LZTFL1: variants seen among roughly 807,000 people sequenced by gnomAD.
The protein encoded by LZTFL1 is leucine zipper transcription factor like 1.
Under a neutral mutation model 45.9 loss-of-function variants are expected in LZTFL1, and 25 were observed. The observed-to-expected ratio is 0.54, with a 90% CI of 0.40 to 0.76. The LOEUF is 0.76. Ranked by LOEUF, LZTFL1 falls within the 30% of genes least tolerant of loss-of-function variation. The probability of loss-of-function intolerance (pLI) is 0.00; values close to 1 mark genes in which losing one functional copy is unlikely to be tolerated. For synonymous variants in LZTFL1, 93 were observed against 117.4 expected (o/e 0.79, Z 1.35); for missense variants, 277 against 331.1 (o/e 0.84, Z 1.27).
intron 4 of LZTFL1, among the ~76,000 whole-genome samples, chr3:45,850,986 C>T (rs1701298259): frequency 6.6e-6 from 1 of 152,206 alleles, no homozygotes; most frequent in African/African-American, 2.4e-5. Flanking sequence ...TGATACATGA[C>T]CCACATAGCA....
chr3:45,875,973 T>C (rs1326591442), intron 2 of LZTFL1, among the ~76,000 whole-genome samples: 1 of 152,262 alleles, frequency 6.6e-6, no homozygotes, highest in Non-Finnish European at 1.5e-5. Context: ...CAGCTACCAC[T>C]ACTGTGTGAT....
intron 2 of LZTFL1, chr3:45,913,018 T>G: frequency 8.4e-7 from 1 of 1,190,080 alleles, no homozygotes. Context: ...TCAGATAATC[T>G]AAATTCAAGT....
intron 4 of LZTFL1, chr3:45,854,968 A>G (rs1473183616): frequency 1.3e-6 from 2 of 1,499,944 alleles, no homozygotes; most frequent in African/African-American, 2.8e-5. Context: ...AATATGTCAG[A>G]TGCGCTTGTC....
At chr3:45,861,165 C>A (rs1291894831) in intron 2 of LZTFL1, among the ~76,000 whole-genome samples, 1 of 150,542 alleles carries the variant, frequency 6.6e-6, no homozygotes, top group Non-Finnish European at 1.5e-5. Context: ...ACAGAGACTG[C>A]CTGTGCGTAT....
chr3:45,836,769 G>T (rs1700977728), intron 2 of LZTFL1, among the ~76,000 whole-genome samples: 1 of 152,212 alleles, frequency 6.6e-6, no homozygotes, highest in Non-Finnish European at 1.5e-5. Flanking sequence ...ACACAGGTTT[G>T]AAGAGTGGAG....
chr3:45,911,803 A>G (rs906962752), intron 2 of LZTFL1, among the ~76,000 whole-genome samples: 3 of 152,250 alleles, frequency 2.0e-5, no homozygotes, highest in African/African-American at 7.2e-5. Context: ...CAACTGTGTA[A>G]TGACTCCAGC....
chr3:45,863,893 AT>A (rs1305760153), intron 2 of LZTFL1, among the ~76,000 whole-genome samples: 1 of 152,232 alleles, frequency 6.6e-6, no homozygotes, highest in African/African-American at 2.4e-5. Context: ...TCAGGGAAAC[AT>A]TTGGTGAATT....
chr3:45,885,365 G>A (rs920959195), intron 2 of LZTFL1, among the ~76,000 whole-genome samples: 1 of 152,206 alleles, frequency 6.6e-6, no homozygotes, highest in Non-Finnish European at 1.5e-5. Flanking sequence ...TGGATGGGAA[G>A]ACTTCGTCTG....
chr3:45,906,289 C>T (rs994605346), intron 2 of LZTFL1, among the ~76,000 whole-genome samples: 4 of 152,132 alleles, frequency 2.6e-5, no homozygotes, highest in African/African-American at 4.8e-5. Context: ...GCCAGGGGCC[C>T]CATGGTGTAT....
intron 3 of LZTFL1, among the ~76,000 whole-genome samples, chr3:45,855,369 A>T (rs767005685): frequency 1.1e-4 from 17 of 152,216 alleles, no homozygotes; most frequent in Non-Finnish European, 1.9e-4. Flanking sequence ...ACATCTCTTC[A>T]TGTTAAAAAC....
intron 2 of LZTFL1, among the ~76,000 whole-genome samples, chr3:45,868,752 C>T (rs1316471034): frequency 6.6e-6 from 1 of 152,126 alleles, no homozygotes; most frequent in Non-Finnish European, 1.5e-5. Context: ...CAACATATTA[C>T]AGTTTCCAAG....
rs1231418303 is a variant in LZTFL1 at position 45,829,508 on chromosome 3, G to A, written c.601-893C>T. On this transcript the variant is annotated intron_variant, in intron 7 of 9. Coordinates refer to ENST00000296135, the MANE Select transcript of LZTFL1 (RefSeq NM_020347.4). ...GGTCCCAACCACTTGGGAGGCTGAG[G>A]TGGGAGGATCGCTTGAGCCGGTGAG... Among the ~76,000 whole-genome samples, 3 of 151,528 alleles carry A rather than the reference G, an allele frequency of 2.0e-5. No homozygotes were observed. In the East Asian group the frequency reaches 5.8e-4, roughly 29 times the overall value.
intron 2 of LZTFL1, among the ~76,000 whole-genome samples, chr3:45,905,900 C>T (rs910613252): frequency 6.6e-6 from 1 of 152,190 alleles, no homozygotes; most frequent in Non-Finnish European, 1.5e-5. Flanking sequence ...GTCCTCAGAA[C>T]AAAATCTGGC....
At chr3:45,891,617 C>T (rs1050293040) in intron 2 of LZTFL1, among the ~76,000 whole-genome samples, 2 of 152,084 alleles carry the variant, frequency 1.3e-5, no homozygotes, top group Admixed American at 6.6e-5. Context: ...AAATTTAATC[C>T]GGATGCAGCA....
At chr3:45,889,508 AC>A (rs1702082914) in intron 2 of LZTFL1, among the ~76,000 whole-genome samples, 1 of 151,854 alleles carries the variant, frequency 6.6e-6, no homozygotes, top group African/African-American at 2.4e-5. Context: ...TTTAAATCTG[AC>A]AAGTTATTTT....
chr3:45,852,598 C>T (rs1167438035), intron 4 of LZTFL1, among the ~76,000 whole-genome samples: 1 of 152,142 alleles, frequency 6.6e-6, no homozygotes, highest in Non-Finnish European at 1.5e-5. Flanking sequence ...TTTTTATAAA[C>T]ACACATACAT....
chr3:45,890,277 T>TATATTTATATAA (rs1702114711), intron 2 of LZTFL1, among the ~76,000 whole-genome samples: 6 of 69,380 alleles, frequency 8.6e-5, no homozygotes, highest in Non-Finnish European at 1.4e-4. Context: ...ATAACATATA[T>TATATTTATATAA]ATATATTTAT....
intron 4 of LZTFL1, among the ~76,000 whole-genome samples, chr3:45,851,225 AT>A (rs59845792): frequency 0.074 from 9,968 of 134,828 alleles, 401 homozygotes; most frequent in South Asian, 0.26. Context: ...TTTAGCTGTG[AT>A]TTTTTTTTTT....
At position 45,858,662 on chromosome 3, in the gene LZTFL1, T is replaced by G. The variant is rs549477212; in HGVS notation, c.-138+278A>C. 1.1e-4 allele frequency among the ~76,000 whole-genome samples: 16 copies of G among 152,322 alleles called. No homozygotes were observed. The South Asian group carries it at 3.1e-3, about 30-fold the overall frequency. ...GAAAATAAGAAGCTATAGACACAAC[T>G]GTTTTGAAAGTGCCTTTGTTTAGAT... On this transcript the variant is annotated intron_variant, in intron 3 of 4. Coordinates refer to the LZTFL1 transcript ENST00000472635.
Sources: gnomAD v4.1 joint callset for allele counts (sites outside exome capture counted in the v4.1 genomes callset) on GRCh38, gnomAD v4.1.1 for gene constraint, MANE v1.5 for transcripts, NCBI Gene and HGNC (gene_info 2026-07-23, HGNC 2026-07-21) for gene names.